TMEM131L: variants seen among roughly 807,000 people sequenced by gnomAD.
The protein encoded by TMEM131L is transmembrane protein 131-like.
TMEM131L carries 54 observed loss-of-function variants against 192.2 expected under a neutral mutation model. That is an observed-to-expected ratio of 0.28 (90% confidence interval 0.23 to 0.35). The LOEUF is 0.35. TMEM131L is among the 10% of genes least tolerant of loss of function. The probability of loss-of-function intolerance (pLI) is 1.00; values close to 1 mark genes in which losing one functional copy is unlikely to be tolerated. For missense variants in TMEM131L, 1,888 were observed against 1,972.9 expected (o/e 0.96, Z 0.82); for synonymous variants, 701 against 704.9 (o/e 0.99, Z 0.09).
chr4:153,532,437 CTT>C (rs368571390), intron 3 of TMEM131L, among the ~76,000 whole-genome samples: 432 of 137,844 alleles, frequency 3.1e-3, no homozygotes, highest in Middle Eastern at 7.5e-3. Context: ...GCTATTAGTG[CTT>C]TTTTTTTAAA....
chr4:153,543,022 C>T (rs750034532), intron 3 of TMEM131L, among the ~76,000 whole-genome samples: 4 of 152,246 alleles, frequency 2.6e-5, no homozygotes, highest in Admixed American at 6.5e-5. Context: ...TCCCCAGGTG[C>T]TGTTATTAGC....
intron 7 of TMEM131L, among the ~76,000 whole-genome samples, chr4:153,574,338 AAC>A (rs1729793047): frequency 1.3e-5 from 2 of 152,194 alleles, no homozygotes; most frequent in East Asian, 1.9e-4. Context: ...TGGGGGTTGA[AAC>A]ACAATTGCTA....
Position 153,550,056 on chromosome 4 carries a change from CTCTTT to C in TMEM131L, c.240-10_240-6del. 1 of 1,367,350 alleles carries C rather than the reference CTCTTT, an allele frequency of 7.3e-7. No individual in the cohort carries two copies. Among genetic ancestry groups the C allele is most frequent in the Non-Finnish European group, 9.9e-7 (1 of 1,011,644 alleles). 84.7% of individuals were successfully genotyped at this position (1,367,350 alleles called of 1,614,324 possible). On this transcript the variant is annotated splice_polypyrimidine_tract_variant and intron_variant, in intron 3 of 34. Coordinates refer to ENST00000409959, the MANE Select transcript of TMEM131L (RefSeq NM_001131007.2). ...GTTAAAACTACAACAAAATCAACCTCTCTTTTCTTTTTTTAGCTTCTCGGACAAAC... is the reference window on the plus strand; with the variant it reads ...GTTAAAACTACAACAAAATCAACCTCTCTTTTTTTAGCTTCTCGGACAAAC...
rs1472033734 is a variant in TMEM131L, at chr4:153,621,906, A to G, written c.3859+57A>G. On this transcript the variant is annotated intron_variant, in intron 28 of 34. Coordinates refer to ENST00000409959, the MANE Select transcript of TMEM131L (RefSeq NM_001131007.2). The stretch of plus-strand genomic sequence containing the variant: ...TTCTGTGGGAATTTTTGTTTCCTCA[A>G]TGAAGTATCTAATAAGAGAAATGAC... 42 of 1,525,396 alleles carry G rather than the reference A, an allele frequency of 2.8e-5. No homozygotes were observed. The East Asian group carries it at 5.0e-4, about 18-fold the overall frequency. The allele number at this position is 1,525,396 out of a possible 1,614,324, so 94.5% of individuals were successfully genotyped here. A position where few individuals can be genotyped will look rare whatever the true frequency, so the allele number is the denominator to read the frequency against.
At chr4:153,498,901 C>T (rs574515537) in intron 3 of TMEM131L, among the ~76,000 whole-genome samples, 1 of 152,308 alleles carries the variant, frequency 6.6e-6, no homozygotes, top group Non-Finnish European at 1.5e-5. Context: ...GGAAAAAAAC[C>T]CACTGGAATT....
chr4:153,552,273 A>C (rs759324826), intron 4 of TMEM131L, among the ~76,000 whole-genome samples: 9 of 152,118 alleles, frequency 5.9e-5, no homozygotes, highest in Non-Finnish European at 1.2e-4. Flanking sequence ...TAAAGAATAT[A>C]TGTTATAGAT....
chr4:153,511,590 TAACA>T (rs1434290614), intron 3 of TMEM131L, among the ~76,000 whole-genome samples: 1 of 152,100 alleles, frequency 6.6e-6, no homozygotes, highest in African/African-American at 2.4e-5. Context: ...TCTCCCTATA[TAACA>T]AACCTGCACA....
At chr4:153,620,284 A>G (rs1405785585) in intron 26 of TMEM131L, among the ~76,000 whole-genome samples, 1 of 152,244 alleles carries the variant, frequency 6.6e-6, no homozygotes, top group Non-Finnish European at 1.5e-5. Flanking sequence ...TTACCTGAGA[A>G]GCTTACACTA....
At chr4:153,588,467 G>T (rs1561218382) in intron 15 of TMEM131L, among the ~76,000 whole-genome samples, 1 of 150,474 alleles carries the variant, frequency 6.6e-6, no homozygotes. Flanking sequence ...TCTAGGATCG[G>T]CTCCTGGTCT....
At chr4:153,588,250 T>G (rs924461069) in intron 15 of TMEM131L, among the ~76,000 whole-genome samples, 4 of 151,442 alleles carry the variant, frequency 2.6e-5, no homozygotes, top group Admixed American at 2.0e-4. Context: ...AGTGTTGATG[T>G]ACAAGCTGTT....
intron 22 of TMEM131L, 81 bp downstream of exon 22, chr4:153,602,419 A>G: frequency 6.5e-7 from 1 of 1,531,860 alleles, no homozygotes; most frequent in Non-Finnish European, 8.9e-7. Flanking sequence ...TATTGTTAAG[A>G]CATCTTATGT....
chr4:153,508,257 A>G (rs930302516), intron 3 of TMEM131L, among the ~76,000 whole-genome samples: 1 of 152,204 alleles, frequency 6.6e-6, no homozygotes, highest in East Asian at 1.9e-4. Context: ...ACCCAACTCT[A>G]TGTTGTGTTT....
At chr4:153,593,730 A>G in intron 18 of TMEM131L, 69 bp from the exon 19 acceptor site, 1 of 999,872 alleles carries the variant, frequency 1.0e-6, no homozygotes, top group East Asian at 2.4e-5. Context: ...ATATGTGCAC[A>G]CACTTATTAA....
At chr4:153,621,546 A>C in intron 27 of TMEM131L, 137 bp from the exon 28 acceptor site, 1 of 761,024 alleles carries the variant, frequency 1.3e-6, no homozygotes, top group Non-Finnish European at 2.1e-6. Flanking sequence ...ATACTCTTCC[A>C]CCAGACCCAA....
intron 3 of TMEM131L, among the ~76,000 whole-genome samples, chr4:153,499,773 C>T (rs1733460812): frequency 6.6e-6 from 1 of 152,144 alleles, no homozygotes; most frequent in African/African-American, 2.4e-5. Context: ...AGCTTGAGCA[C>T]TTCACGTGAT....
chr4:153,590,928 C>A, intron 16 of TMEM131L, 125 bp from the exon 17 acceptor site: 1 of 535,528 alleles, frequency 1.9e-6, no homozygotes, highest in Non-Finnish European at 2.8e-6. Context: ...AACCATTTCC[C>A]CAAGAGCCCT....
chr4:153,626,203 T>C lies in TMEM131L; in HGVS notation c.4102T>C (p.Ser1368Pro), dbSNP rs1733831799. The C allele has an allele frequency of 1.2e-6, 2 of 1,609,730 alleles. No homozygotes were observed. Among genetic ancestry groups the C allele is most frequent in the South Asian group, 2.2e-5 (2 of 90,930 alleles). ...TGAAGCTCCCATCTCCTTGAATCTT[T>C]CTCATAACATCTGCAATCCCATGTA... ...PSEAPISLNL[S>P]HNICNPMTVN... Residue 1368 changes from serine to proline, a missense_variant, in exon 30 of 35, where the codon TCT (serine) becomes CCT (proline). Ser to Pro is a moderately conservative substitution (Grantham distance 74). Transcript: ENST00000409959.
intron 3 of TMEM131L, among the ~76,000 whole-genome samples, chr4:153,529,832 C>T (rs186533966): frequency 6.6e-6 from 1 of 152,292 alleles, no homozygotes; most frequent in African/African-American, 2.4e-5. Flanking sequence ...TGAAGTCACA[C>T]AGTGTATTAA....
At chr4:153,497,766 C>G (rs1484237728) in intron 3 of TMEM131L, among the ~76,000 whole-genome samples, 1 of 148,800 alleles carries the variant, frequency 6.7e-6, no homozygotes, top group Non-Finnish European at 1.5e-5. Context: ...TAATGCTTGG[C>G]TCTTTTTATC....
Sources: gnomAD v4.1 joint callset for allele counts (sites outside exome capture counted in the v4.1 genomes callset) on GRCh38, gnomAD v4.1.1 for gene constraint, MANE v1.5 for transcripts, NCBI Gene and HGNC (gene_info 2026-07-23, HGNC 2026-07-21) for gene names.